The following XKR6 variants were observed in gnomAD, a reference collection of about 807,000 sequenced individuals.
XKR6 encodes XK related 6, also known as XK-related protein 6.
XKR6 carries 22 observed loss-of-function variants against 56.7 expected under a neutral mutation model. That is an observed-to-expected ratio of 0.39 (90% CI 0.28 to 0.55). XKR6 has a LOEUF of 0.55. Among genes scored for constraint, XKR6 ranks in the 20% least tolerant of loss-of-function variants. The pLI is 0.66. For synonymous variants in XKR6, 524 were observed against 387.8 expected, an observed-to-expected ratio of 1.35 and a Z score of -4.13; for missense variants, 852 against 889.0, an observed-to-expected ratio of 0.96 and a Z score of 0.53.
intron 1 of XKR6, among the ~76,000 whole-genome samples, chr8:11,197,734 C>T (rs1010654713): frequency 7.2e-5 from 11 of 152,140 alleles, no homozygotes; most frequent in African/African-American, 2.2e-4. Context: ...TTCAGCCCAG[C>T]CAAAATATTT....
chr8:10,957,898 AT>A (rs1333047389), intron 1 of XKR6, among the ~76,000 whole-genome samples: 2 of 151,328 alleles, frequency 1.3e-5, no homozygotes, highest in African/African-American at 4.9e-5. Context: ...CCCCAATGTG[AT>A]TTTTTAAAAA....
intron 1 of XKR6, among the ~76,000 whole-genome samples, chr8:11,169,233 T>G (rs1348660131): frequency 6.6e-6 from 1 of 152,166 alleles, no homozygotes; most frequent in Non-Finnish European, 1.5e-5. Flanking sequence ...TTATTAAACT[T>G]TTAAACTTTT....
In XKR6 at chr8:10,898,742, G is replaced by A; in HGVS notation, c.1136C>T (p.Ala379Val). ...CCCAAAATAGAGCTGGAAGATGGAA[G>A]CAAAGAGGGCAAAAGAGATCACTCG... ...SSRVISFALF[A>V]SIFQLYFGIF... Residue 379 changes from alanine (A) to valine (V), a missense_variant, in exon 3 of 3, where the codon GCT becomes GTT. Coordinates refer to ENST00000416569, the MANE Select transcript of XKR6 (RefSeq NM_173683.4). The surrounding 1 kb of genome is among the most constrained non-coding windows in gnomAD (Gnocchi z 6.6). 6.2e-7 allele frequency: 1 copy of A among 1,614,124 alleles called. No homozygotes were observed. The highest frequency in any genetic ancestry group is 8.5e-7 in the Non-Finnish European group (1 of 1,180,030).
chr8:10,904,626 G>A (rs945094626), intron 2 of XKR6, among the ~76,000 whole-genome samples: 2 of 152,172 alleles, frequency 1.3e-5, no homozygotes, highest in Non-Finnish European at 2.9e-5. Flanking sequence ...GGTCAGGCCA[G>A]GAAGGGAGGC....
chr8:10,924,519 G>T, intron 2 of XKR6, 115 bp downstream of exon 2: 1 of 1,311,804 alleles, frequency 7.6e-7, no homozygotes, highest in East Asian at 2.4e-5. Context: ...TGGGGACTCA[G>T]GGCAGGATGG....
At chr8:11,037,582 G>A (rs141822599) in intron 1 of XKR6, among the ~76,000 whole-genome samples, 3,200 of 152,320 alleles carry the variant, frequency 0.021, 110 homozygotes, top group African/African-American at 0.073. Flanking sequence ...TGAATGGGCC[G>A]GGCGCAGTGG....
chr8:11,200,240 C>A lies in XKR6; in HGVS notation c.764+336G>T, dbSNP rs897537877. On this transcript the variant is annotated intron_variant, in intron 1 of 2. Coordinates refer to ENST00000416569, the MANE Select transcript of XKR6 (RefSeq NM_173683.4). The surrounding 1 kb of genome is among the most constrained non-coding windows in gnomAD (Gnocchi z 6.4). The stretch of plus-strand genomic sequence containing the variant: ...GCGAGCTGGGGTGCAGCCCAGGGCG[C>A]CCGCAGCTGGTTACCTCGGGAGGCA... Among the ~76,000 whole-genome samples the A allele has an allele frequency of 1.1e-4, 17 of 152,180 alleles. No individual in the cohort carries two copies. The highest frequency in any genetic ancestry group is 2.2e-4 in the Non-Finnish European group (15 of 68,026).
intron 1 of XKR6, chr8:11,175,390 G>C (rs1802602717): frequency 5.5e-6 from 1 of 180,350 alleles, no homozygotes; most frequent in Non-Finnish European, 1.2e-5. Flanking sequence ...AAGCACCTAA[G>C]ATGCACCGTC....
chr8:11,114,183 T>G, intron 1 of XKR6: 1 of 362,762 alleles, frequency 2.8e-6, no homozygotes, highest in Non-Finnish European at 5.3e-6. Context: ...AAGCCATTTT[T>G]ATCACAGAAA....
Position 10,971,393 on chromosome 8 carries a change from C to A in XKR6, c.765-46563G>T, listed in dbSNP as rs539287883. Among the ~76,000 whole-genome samples, 5 of 151,996 alleles carry A rather than the reference C, an allele frequency of 3.3e-5. No individual in the cohort carries two copies. The East Asian group carries it at 9.7e-4, about 30-fold the overall frequency. ...CCAAGATCGCACCACTGCACTCCAG[C>A]CTGGGTGACAGAGCGAGACTCCATC... On this transcript the variant is annotated intron_variant, in intron 1 of 2. Transcript: ENST00000416569.
intron 1 of XKR6, among the ~76,000 whole-genome samples, chr8:11,132,765 A>ACG (rs1236751083): frequency 6.1e-5 from 7 of 114,586 alleles, no homozygotes; most frequent in African/African-American, 3.1e-4. Flanking sequence ...ACACACACGC[A>ACG]CGCACACACA....
chr8:11,102,711 G>A (rs769617081), intron 1 of XKR6, among the ~76,000 whole-genome samples: 1 of 152,166 alleles, frequency 6.6e-6, no homozygotes, highest in South Asian at 2.1e-4. Flanking sequence ...CATCAGGCAA[G>A]AGGAAGATGA....
chr8:10,990,009 G>A (rs1369819586), intron 1 of XKR6, among the ~76,000 whole-genome samples: 1 of 152,218 alleles, frequency 6.6e-6, no homozygotes, highest in Non-Finnish European at 1.5e-5. Context: ...TGGGAGTCGG[G>A]TTATGGACAC....
chr8:11,002,088 A>C lies in XKR6; in HGVS notation c.765-77258T>G, dbSNP rs1238919079. 3.3e-5 allele frequency among the ~76,000 whole-genome samples: 5 copies of C among 151,838 alleles called. No individual in the cohort carries two copies. In the East Asian group the frequency reaches 5.8e-4, roughly 18 times the overall value. ...GTTAAAAAAAAAAAAAAAACACACA[A>C]AAAACCTCCTTCCAGGTCCCTGCCA... On this transcript the variant is annotated intron_variant, in intron 1 of 2. Transcript: ENST00000416569.
intron 1 of XKR6, among the ~76,000 whole-genome samples, chr8:11,122,904 G>A (rs539519560): frequency 1.0e-3 from 157 of 152,268 alleles, no homozygotes; most frequent in African/African-American, 3.7e-3. Context: ...GAATAAACAA[G>A]CTCACTAACA....
chr8:10,978,722 C>T (rs1399561016), intron 1 of XKR6, among the ~76,000 whole-genome samples: 1 of 152,246 alleles, frequency 6.6e-6, no homozygotes, highest in Non-Finnish European at 1.5e-5. Flanking sequence ...AAGACGCCCA[C>T]CCTCTGCTTC....
chr8:11,081,781 G>C (rs376782171), intron 1 of XKR6, among the ~76,000 whole-genome samples: 30 of 152,226 alleles, frequency 2.0e-4, no homozygotes, highest in African/African-American at 6.3e-4. Context: ...TCAGTCAGAG[G>C]CTTATTCTGC....
chr8:11,138,797 A>T (rs1563166607), intron 1 of XKR6, among the ~76,000 whole-genome samples: 1 of 152,214 alleles, frequency 6.6e-6, no homozygotes, highest in Non-Finnish European at 1.5e-5. Flanking sequence ...TTTTCACAAA[A>T]TGACTAATTT....
intron 1 of XKR6, among the ~76,000 whole-genome samples, chr8:11,156,387 A>G (rs1801520254): frequency 6.6e-6 from 1 of 152,196 alleles, no homozygotes; most frequent in African/African-American, 2.4e-5. Flanking sequence ...AGCATGCAAC[A>G]CATCCTATTC....
Sources: gnomAD v4.1 joint callset for allele counts (sites outside exome capture counted in the v4.1 genomes callset) on GRCh38, gnomAD v4.1.1 for gene constraint, Gnocchi (gnomAD v3.1) non-coding constraint, MANE v1.5 for transcripts, NCBI Gene and HGNC (gene_info 2026-07-23, HGNC 2026-07-21) for gene names.